FMN1: variants seen among roughly 807,000 people sequenced by gnomAD.
The protein encoded by FMN1 is formin-1.
FMN1 carries 110 observed loss-of-function variants against 132.4 expected under a neutral mutation model. The ratio of observed to expected loss-of-function variants is 0.83; its 90% CI spans 0.71 to 0.97. The LOEUF is 0.97. Among genes scored for constraint, FMN1 ranks in the 50% least tolerant of loss-of-function variants. The probability of loss-of-function intolerance (pLI) is 0.00; values close to 1 mark genes in which losing one functional copy is unlikely to be tolerated. For missense variants in FMN1, 1,792 were observed against 1,705.3 expected (o/e 1.05, Z -0.90); for synonymous variants, 722 against 651.7 (o/e 1.11, Z -1.64).
chr15:33,106,274 CCACACACACA>C (rs10538020), intron 4 of FMN1: 99 of 149,474 alleles, frequency 6.6e-4, no homozygotes, highest in African/African-American at 2.4e-3. Flanking sequence ...TAACCAGAAT[CCACACACACA>C]CACACACACA....
At chr15:33,170,362 T>G (rs1965270967) in intron 3 of FMN1, among the ~76,000 whole-genome samples, 1 of 152,110 alleles carries the variant, frequency 6.6e-6, no homozygotes, top group African/African-American at 2.4e-5. Context: ...GGCAAAGATT[T>G]TATGGCTAAG....
chr15:32,804,336 TAA>T lies in FMN1; in HGVS notation c.3929-6_3929-5del. 1 of 1,553,616 alleles carries T rather than the reference TAA, an allele frequency of 6.4e-7. No homozygotes were observed. The highest frequency in any genetic ancestry group is 8.7e-7 in the Non-Finnish European group (1 of 1,147,148). The stretch of plus-strand genomic sequence containing the variant: ...TCCATCTTATGCTCTTTTTTGGCTG[TAA>T]AAGATAAATCATGATTAAAAATTTT... On this transcript the variant is annotated splice_polypyrimidine_tract_variant and splice_region_variant and intron_variant, in intron 17 of 20. Transcript: ENST00000616417.
chr15:32,824,429 T>C (rs943114286), intron 17 of FMN1, among the ~76,000 whole-genome samples: 1 of 152,354 alleles, frequency 6.6e-6, no homozygotes, highest in African/African-American at 2.4e-5. Context: ...ACAGTATTTT[T>C]AAATTTTATT....
chr15:32,962,507 T>A (rs1448034969), intron 9 of FMN1, among the ~76,000 whole-genome samples: 1 of 151,408 alleles, frequency 6.6e-6, no homozygotes, highest in Non-Finnish European at 1.5e-5. Flanking sequence ...CTAATTAAAC[T>A]AAAGAGCTTC....
chr15:32,949,861 A>G (rs2061586082), intron 9 of FMN1, among the ~76,000 whole-genome samples: 1 of 148,308 alleles, frequency 6.7e-6, no homozygotes, highest in African/African-American at 2.5e-5. Context: ...ATGTACAAGA[A>G]AAAAACAACC....
chr15:32,793,543 A>T (rs1045568164), intron 19 of FMN1, among the ~76,000 whole-genome samples: 15 of 152,158 alleles, frequency 9.9e-5, no homozygotes, highest in African/African-American at 3.6e-4. Flanking sequence ...CGCCTCCCAA[A>T]GTGCTGGGAT....
intron 9 of FMN1, among the ~76,000 whole-genome samples, chr15:32,961,522 C>G (rs529249654): frequency 6.6e-6 from 1 of 152,190 alleles, no homozygotes; most frequent in Admixed American, 6.5e-5. Context: ...ACACAGAGTA[C>G]TATACTTTTT....
intron 17 of FMN1, among the ~76,000 whole-genome samples, chr15:32,851,099 C>G (rs2058998892): frequency 6.6e-6 from 1 of 152,104 alleles, no homozygotes; most frequent in African/African-American, 2.4e-5. Context: ...AAAACAGTAT[C>G]TCTAATCTCA....
At chr15:33,047,713 C>T (rs1164749993) in intron 6 of FMN1, among the ~76,000 whole-genome samples, 2 of 152,098 alleles carry the variant, frequency 1.3e-5, no homozygotes, top group Admixed American at 6.5e-5. Context: ...GGGCTGACTC[C>T]CTCTTTTTGA....
intron 6 of FMN1, among the ~76,000 whole-genome samples, chr15:33,018,095 A>G (rs1313264313): frequency 1.3e-5 from 2 of 152,046 alleles, no homozygotes; most frequent in African/African-American, 4.8e-5. Flanking sequence ...TTTATATGTT[A>G]AAATCCTACC....
At chr15:32,817,351 A>C (rs2058087434) in intron 17 of FMN1, among the ~76,000 whole-genome samples, 1 of 152,222 alleles carries the variant, frequency 6.6e-6, no homozygotes, top group Admixed American at 6.5e-5. Flanking sequence ...CAAAAGTCTA[A>C]TTTCCCTAAT....
chr15:32,989,178 G>A (rs1460408251), intron 7 of FMN1, among the ~76,000 whole-genome samples: 1 of 152,138 alleles, frequency 6.6e-6, no homozygotes, highest in Non-Finnish European at 1.5e-5. Flanking sequence ...TTAATTTATA[G>A]ACTAATGCAT....
At chr15:32,997,928 G>A (rs899195559) in intron 7 of FMN1, among the ~76,000 whole-genome samples, 7 of 152,092 alleles carry the variant, frequency 4.6e-5, no homozygotes, top group African/African-American at 1.7e-4. Flanking sequence ...AAAGCTCAAG[G>A]AATTCTGCTT....
intron 5 of FMN1, among the ~76,000 whole-genome samples, chr15:33,083,398 G>A (rs1008854126): frequency 1.3e-5 from 2 of 152,154 alleles, no homozygotes; most frequent in African/African-American, 4.8e-5. Context: ...ACTTTTAGAG[G>A]ATGGGAGGCT....
intron 6 of FMN1, among the ~76,000 whole-genome samples, chr15:33,032,895 G>A (rs1450881167): frequency 1.3e-5 from 2 of 152,120 alleles, no homozygotes; most frequent in Admixed American, 6.6e-5. Context: ...TGGGAATAAT[G>A]GTGATTCCTA....
At chr15:32,993,528 A>T (rs2033571558) in intron 7 of FMN1, among the ~76,000 whole-genome samples, 2 of 151,442 alleles carry the variant, frequency 1.3e-5, no homozygotes, top group Non-Finnish European at 2.9e-5. Flanking sequence ...TATCAAATTA[A>T]GATAAGAGAA....
At chr15:32,820,075 C>T (rs1259910718) in intron 17 of FMN1, among the ~76,000 whole-genome samples, 5 of 152,104 alleles carry the variant, frequency 3.3e-5, no homozygotes, top group Non-Finnish European at 5.9e-5. Flanking sequence ...TAAAGATAAA[C>T]GCAGACGACT....
At chr15:32,824,092 C>A (rs1019547145) in intron 17 of FMN1, among the ~76,000 whole-genome samples, 1 of 152,204 alleles carries the variant, frequency 6.6e-6, no homozygotes, top group African/African-American at 2.4e-5. Flanking sequence ...GGCAGCAATG[C>A]CACCAGCAAC....
At chr15:33,019,688 A>G (rs1179757698) in intron 6 of FMN1, among the ~76,000 whole-genome samples, 1 of 152,168 alleles carries the variant, frequency 6.6e-6, no homozygotes, top group Non-Finnish European at 1.5e-5. Context: ...CACTGCTGGG[A>G]GACCCGGCGC....
Sources: allele counts gnomAD v4.1 joint callset (sites outside exome capture counted in the v4.1 genomes callset), GRCh38; gene constraint gnomAD v4.1.1; transcripts MANE v1.5; gene names NCBI Gene and HGNC (gene_info 2026-07-23, HGNC 2026-07-21).